ZSWIM5: variants seen among roughly 807,000 people sequenced by gnomAD.
ZSWIM5 encodes zinc finger SWIM-type containing 5, also known as zinc finger SWIM domain-containing protein 5.
ZSWIM5 carries 55 observed loss-of-function variants against 119.6 expected under a neutral mutation model. The observed-to-expected ratio is 0.46, with a 90% CI of 0.37 to 0.58. The LOEUF (loss-of-function observed/expected upper bound fraction) is 0.58. ZSWIM5 is among the 20% of genes least tolerant of loss of function. The pLI is 0.00. For missense variants in ZSWIM5, 1,193 were observed against 1,512.8 expected (o/e 0.79, Z 3.51); for synonymous variants, 537 against 606.9 (o/e 0.88, Z 1.69).
chr1:45,185,293 A>C (rs1431114741), intron 1 of ZSWIM5, among the ~76,000 whole-genome samples: 2 of 150,582 alleles, frequency 1.3e-5, no homozygotes, highest in African/African-American at 4.9e-5. Context: ...AAACCATAAA[A>C]ACCCTAGAAG....
At chr1:45,076,259 A>G (rs1338582418) in intron 2 of ZSWIM5, among the ~76,000 whole-genome samples, 2 of 152,048 alleles carry the variant, frequency 1.3e-5, no homozygotes. Flanking sequence ...TCCTTTTTAT[A>G]CTGATAGAAG....
At chr1:45,064,913 A>C (rs1645174594) in intron 2 of ZSWIM5, among the ~76,000 whole-genome samples, 1 of 152,160 alleles carries the variant, frequency 6.6e-6, no homozygotes, top group African/African-American at 2.4e-5. Context: ...TGGATTCACT[A>C]GTTGGTTTTA....
chr1:45,106,144 G>C (rs1302355179), intron 1 of ZSWIM5, among the ~76,000 whole-genome samples: 1 of 148,286 alleles, frequency 6.7e-6, no homozygotes, highest in African/African-American at 2.5e-5. Context: ...TGGGAGGTGA[G>C]GGGCGTCTCT....
chr1:45,050,633 G>C (rs1010606429), intron 5 of ZSWIM5, among the ~76,000 whole-genome samples: 6 of 152,146 alleles, frequency 3.9e-5, no homozygotes, highest in Admixed American at 3.9e-4. Flanking sequence ...CCAGCTATTT[G>C]CTGTATAAAA....
chr1:45,129,863 C>T (rs1185937806), intron 1 of ZSWIM5, among the ~76,000 whole-genome samples: 3 of 151,960 alleles, frequency 2.0e-5, no homozygotes, highest in Non-Finnish European at 4.4e-5. Context: ...GCTAAGAGTC[C>T]CTAGACTTGA....
chr1:45,206,404 G>T lies in ZSWIM5; in HGVS notation c.-54C>A. The T allele has an allele frequency of 1.5e-6, 2 of 1,341,748 alleles. No individual in the cohort carries two copies. The highest frequency in any genetic ancestry group is 1.9e-6 in the Non-Finnish European group (2 of 1,050,048). The allele number at this position is 1,341,748 out of a possible 1,614,324, so 83.1% of individuals were successfully genotyped here. A position where few individuals can be genotyped will look rare whatever the true frequency, so the allele number is the denominator to read the frequency against. On this transcript the variant is annotated 5_prime_UTR_variant, in exon 1 of 14. Transcript: ENST00000359600. ...GGCGGCGGCTGCTCGGGCTGCGGCGGAGACCCTGGCCACGGCCACGCGCCC... is the reference window on the plus strand; with the variant it reads ...GGCGGCGGCTGCTCGGGCTGCGGCGTAGACCCTGGCCACGGCCACGCGCCC...
intron 2 of ZSWIM5, among the ~76,000 whole-genome samples, chr1:45,076,280 T>C (rs534931965): frequency 9.2e-5 from 14 of 152,326 alleles, no homozygotes; most frequent in Non-Finnish European, 5.9e-5. Context: ...TACTCTCTTT[T>C]AGCATTTCTT....
At chr1:45,047,035 A>G (rs946012073) in intron 5 of ZSWIM5, among the ~76,000 whole-genome samples, 11 of 150,988 alleles carry the variant, frequency 7.3e-5, no homozygotes, top group East Asian at 3.9e-4. Context: ...AAAAAAAAAA[A>G]AAAGAAAGAG....
At chr1:45,035,504 A>G (rs1219560124) in intron 10 of ZSWIM5, among the ~76,000 whole-genome samples, 184 bp downstream of exon 10, 2 of 152,244 alleles carry the variant, frequency 1.3e-5, no homozygotes, top group Non-Finnish European at 2.9e-5. Flanking sequence ...CAAGTCACCA[A>G]CAAGGAATCC....
intron 1 of ZSWIM5, among the ~76,000 whole-genome samples, chr1:45,104,507 C>A (rs928260636): frequency 1.3e-5 from 2 of 152,186 alleles, no homozygotes; most frequent in African/African-American, 2.4e-5. Flanking sequence ...CCAAAGATAT[C>A]ATTCAATAGC....
intron 1 of ZSWIM5, among the ~76,000 whole-genome samples, chr1:45,091,698 C>CCAAA (rs767594861): frequency 1.3e-5 from 2 of 151,846 alleles, no homozygotes; most frequent in South Asian, 2.1e-4. Context: ...AACCAACCAA[C>CCAAA]CAAACAAACA....
intron 1 of ZSWIM5, among the ~76,000 whole-genome samples, chr1:45,202,061 A>G (rs1646161774): frequency 6.6e-6 from 1 of 152,142 alleles, no homozygotes; most frequent in Non-Finnish European, 1.5e-5. Context: ...GTGATTTAAA[A>G]CTTGAAAAAT....
At chr1:45,185,795 T>A (rs531384947) in intron 1 of ZSWIM5, among the ~76,000 whole-genome samples, 1 of 152,324 alleles carries the variant, frequency 6.6e-6, no homozygotes, top group East Asian at 1.9e-4. Flanking sequence ...ACTTTTACAC[T>A]GTTGGTGGGA....
chr1:45,069,312 G>C (rs867649465), intron 2 of ZSWIM5, among the ~76,000 whole-genome samples: 1 of 151,890 alleles, frequency 6.6e-6, no homozygotes, highest in Non-Finnish European at 1.5e-5. Flanking sequence ...TGGAGTCCCA[G>C]CTACTGGGGA....
chr1:45,122,393 T>C (rs1163635681), intron 1 of ZSWIM5, among the ~76,000 whole-genome samples: 1 of 152,220 alleles, frequency 6.6e-6, no homozygotes, highest in Admixed American at 6.5e-5. Flanking sequence ...TGACAAGTAA[T>C]GACAGTTAAA....
intron 4 of ZSWIM5, among the ~76,000 whole-genome samples, chr1:45,051,561 C>T (rs1467309170): frequency 6.6e-6 from 1 of 152,038 alleles, no homozygotes; most frequent in Non-Finnish European, 1.5e-5. Context: ...AGGCTCTGTG[C>T]TGGTGAATAA....
At chr1:45,024,294 C>T (rs555543991) in intron 11 of ZSWIM5, among the ~76,000 whole-genome samples, 23 of 148,878 alleles carry the variant, frequency 1.5e-4, no homozygotes, top group East Asian at 8.1e-4. Flanking sequence ...TGGGTTCAAG[C>T]GATTCTTTTG....
At chr1:45,197,560 T>C (rs947284679) in intron 1 of ZSWIM5, among the ~76,000 whole-genome samples, 2 of 152,206 alleles carry the variant, frequency 1.3e-5, no homozygotes, top group African/African-American at 4.8e-5. Context: ...TTGGTAAGCA[T>C]TTGGGTCATT....
chr1:45,101,616 C>CA (rs199967916), intron 1 of ZSWIM5, among the ~76,000 whole-genome samples: 2,196 of 152,262 alleles, frequency 0.014, 67 homozygotes, highest in African/African-American at 0.051. Flanking sequence ...ACACTATTCA[C>CA]AATAGCAAAG....
Sources: allele counts gnomAD v4.1 joint callset (sites outside exome capture counted in the v4.1 genomes callset), GRCh38; gene constraint gnomAD v4.1.1; transcripts MANE v1.5; gene names NCBI Gene and HGNC (gene_info 2026-07-23, HGNC 2026-07-21).